Variants in UST observed in about 807,000 individuals in gnomAD.
UST encodes uronyl 2-sulfotransferase, also known as chondroitin sulfate 2-O-sulfotransferase.
Under a neutral mutation model 45.6 loss-of-function variants are expected in UST, and 21 were observed. The observed-to-expected ratio is 0.46, with a 90% CI of 0.33 to 0.66. The LOEUF (loss-of-function observed/expected upper bound fraction) is 0.66. UST is among the 30% of genes least tolerant of loss of function. UST has a pLI of 0.02. For synonymous variants in UST, 215 were observed against 200.6 expected (o/e 1.07, Z -0.61); for missense variants, 463 against 512.4 (o/e 0.90, Z 0.93).
At chr6:148,982,214 T>G (rs1461024291) in intron 5 of UST, among the ~76,000 whole-genome samples, 5 of 152,024 alleles carry the variant, frequency 3.3e-5, no homozygotes, top group Admixed American at 3.3e-4. Flanking sequence ...TTCTCCTGCC[T>G]CAGCCCTCCA....
In UST at chr6:148,818,537, G is replaced by A. The variant is rs906545523; in HGVS notation, c.248-68449G>A. 2.5e-4 allele frequency among the ~76,000 whole-genome samples: 38 copies of A among 152,184 alleles called. 2 individuals are homozygous for A. The highest frequency in any genetic ancestry group is 1.1e-3 in the Admixed American group (17 of 15,274). On this transcript the variant is annotated intron_variant, in intron 1 of 7. Coordinates refer to ENST00000367463, the MANE Select transcript of UST (RefSeq NM_005715.3). ...AAATTTGGTTCCAACATTTTAATGA[G>A]CCAGTGTGGGTGGCCAACAAATTGC...
At chr6:149,044,785 C>T (rs781158890) in intron 7 of UST, among the ~76,000 whole-genome samples, 20 of 152,142 alleles carry the variant, frequency 1.3e-4, no homozygotes, top group Non-Finnish European at 2.6e-4. Flanking sequence ...TAATAATGTG[C>T]TCAGTAGTCT....
chr6:148,986,011 C>A (rs1781232018), intron 5 of UST, among the ~76,000 whole-genome samples: 1 of 152,112 alleles, frequency 6.6e-6, no homozygotes, highest in African/African-American at 2.4e-5. Context: ...TAAGGAGAGC[C>A]TCAGAACACA....
intron 1 of UST, among the ~76,000 whole-genome samples, chr6:148,773,641 T>G (rs960637344): frequency 5.3e-5 from 8 of 152,156 alleles, no homozygotes; most frequent in Admixed American, 3.9e-4. Context: ...TTCAAATTCT[T>G]TCCGTTGGGT....
chr6:149,022,711 C>T (rs1199061462), intron 7 of UST, among the ~76,000 whole-genome samples: 11 of 152,176 alleles, frequency 7.2e-5, no homozygotes, highest in Non-Finnish European at 1.6e-4. Context: ...ACTGGTAGGT[C>T]CCAAGGCCCA....
At chr6:148,944,915 G>A (rs1269374641) in intron 3 of UST, among the ~76,000 whole-genome samples, 1 of 152,118 alleles carries the variant, frequency 6.6e-6, no homozygotes, top group African/African-American at 2.4e-5. Context: ...AGAAGACATG[G>A]CATGTGATTG....
chr6:148,764,644 A>G (rs12525959), intron 1 of UST, among the ~76,000 whole-genome samples: 77,683 of 151,922 alleles, frequency 0.51, 20,603 homozygotes, highest in African/African-American at 0.63. Flanking sequence ...GGCAGGTTCC[A>G]TGATGCCCCC....
At chr6:148,775,714 G>A (rs1380872508) in intron 1 of UST, among the ~76,000 whole-genome samples, 1 of 151,766 alleles carries the variant, frequency 6.6e-6, no homozygotes, top group Non-Finnish European at 1.5e-5. Flanking sequence ...TGCAACCTCT[G>A]CTTCCTGGAT....
chr6:149,014,390 G>A (rs963389567), intron 5 of UST, among the ~76,000 whole-genome samples: 1 of 152,172 alleles, frequency 6.6e-6, no homozygotes, highest in Non-Finnish European at 1.5e-5. Context: ...TCTAGCCTAA[G>A]AACTAGAACT....
At chr6:148,809,262 T>C (rs1777207381) in intron 1 of UST, among the ~76,000 whole-genome samples, 1 of 152,026 alleles carries the variant, frequency 6.6e-6, no homozygotes, top group African/African-American at 2.4e-5. Flanking sequence ...TTTGGGGATC[T>C]CAGAAGTCTT....
At chr6:148,783,321 T>C (rs1353901409) in intron 1 of UST, among the ~76,000 whole-genome samples, 5 of 152,230 alleles carry the variant, frequency 3.3e-5, no homozygotes, top group Admixed American at 2.0e-4. Context: ...ATATTTGCTT[T>C]ATTCTGGTGG....
chr6:149,025,790 C>A (rs971464207), intron 7 of UST, among the ~76,000 whole-genome samples: 1 of 151,998 alleles, frequency 6.6e-6, no homozygotes, highest in Non-Finnish European at 1.5e-5. Context: ...GCAGACAGAT[C>A]ACTTGAGGCT....
At chr6:148,842,108 G>GAACAAC (rs769043592) in intron 1 of UST, among the ~76,000 whole-genome samples, 48 of 152,106 alleles carry the variant, frequency 3.2e-4, no homozygotes, top group Admixed American at 1.2e-3. Flanking sequence ...TCTGTCCCAA[G>GAACAAC]AACAACAACA....
intron 1 of UST, among the ~76,000 whole-genome samples, chr6:148,750,542 T>C (rs963923582): frequency 7.2e-5 from 11 of 152,172 alleles, no homozygotes; most frequent in Non-Finnish European, 1.3e-4. Context: ...CTTCAACCCA[T>C]GTCTGTCTGA....
intron 4 of UST, among the ~76,000 whole-genome samples, chr6:148,960,615 A>G (rs184894393): frequency 6.8e-4 from 103 of 152,282 alleles, no homozygotes; most frequent in African/African-American, 2.2e-3. Flanking sequence ...GAACGTGAAA[A>G]CGTTTTGGAG....
At chr6:148,866,103 G>C (rs985855917) in intron 1 of UST, among the ~76,000 whole-genome samples, 1 of 142,980 alleles carries the variant, frequency 7.0e-6, no homozygotes, top group South Asian at 2.2e-4. Context: ...ATTCTTCCCT[G>C]CTTTTTTCCA....
intron 1 of UST, among the ~76,000 whole-genome samples, chr6:148,880,137 T>C (rs1778797618): frequency 1.4e-5 from 2 of 145,286 alleles, no homozygotes; most frequent in African/African-American, 5.1e-5. Context: ...GTATTTTTAG[T>C]GGAGATGGGG....
At chr6:149,054,723 C>T (rs1208544001) in intron 7 of UST, among the ~76,000 whole-genome samples, 1 of 152,142 alleles carries the variant, frequency 6.6e-6, no homozygotes, top group African/African-American at 2.4e-5. Flanking sequence ...AACTTTGCCA[C>T]TTTACATTGT....
chr6:148,960,830 G>T (rs893006137), intron 4 of UST, among the ~76,000 whole-genome samples: 71 of 152,148 alleles, frequency 4.7e-4, no homozygotes, highest in African/African-American at 1.1e-3. Flanking sequence ...GGATAATTCT[G>T]GTCTTAAGTA....
Sources: gnomAD v4.1 joint callset for allele counts (sites outside exome capture counted in the v4.1 genomes callset) on GRCh38, gnomAD v4.1.1 for gene constraint, MANE v1.5 for transcripts, NCBI Gene and HGNC (gene_info 2026-07-23, HGNC 2026-07-21) for gene names.